Variants in CCDC192 observed in about 807,000 individuals in gnomAD.
CCDC192 encodes the protein coiled-coil domain containing 192, also known as coiled-coil domain-containing protein 192.
chr5:127,874,524 C>T (rs1379691877), intron 5 of CCDC192, among the ~76,000 whole-genome samples: 1 of 152,188 alleles, frequency 6.6e-6, no homozygotes, highest in Non-Finnish European at 1.5e-5. Flanking sequence ...ACTGGTGTTA[C>T]TCTCAAAGAG....
chr5:127,891,127 C>G (rs1005382300), intron 6 of CCDC192, among the ~76,000 whole-genome samples: 1 of 152,224 alleles, frequency 6.6e-6, no homozygotes, highest in South Asian at 2.1e-4. Context: ...TCTCGGCTCA[C>G]TGCAACCTCA....
chr5:127,832,697 T>C (rs1390521921), intron 5 of CCDC192, among the ~76,000 whole-genome samples: 1 of 152,144 alleles, frequency 6.6e-6, no homozygotes, highest in Non-Finnish European at 1.5e-5. Context: ...TGCATACATG[T>C]ATATTTAATA....
intron 6 of CCDC192, among the ~76,000 whole-genome samples, chr5:127,880,679 C>T (rs559652785): frequency 1.3e-4 from 20 of 151,466 alleles, no homozygotes; most frequent in African/African-American, 4.8e-4. Context: ...AGCTGGTGGT[C>T]AAGTTAAAAT....
Position 127,925,196 on chromosome 5 carries a change from G to A in CCDC192, c.536-15986G>A, listed in dbSNP as rs146587570. ...TGTTCTCAAGGAATATAACTTACCT[G>A]ATAAAGTAGGTAACTATTGGAAAAA... On this transcript the variant is annotated intron_variant, in intron 6 of 6. Coordinates refer to ENST00000514853, the MANE Select transcript of CCDC192 (RefSeq NM_001317938.2). Among the ~76,000 whole-genome samples, 311 of 152,082 alleles carry A rather than the reference G, an allele frequency of 2.0e-3. 3 individuals are homozygous for A. The highest frequency in any genetic ancestry group is 7.1e-3 in the African/African-American group (293 of 41,414).
At chr5:127,936,477 T>C (rs919545454) in intron 6 of CCDC192, among the ~76,000 whole-genome samples, 1 of 152,174 alleles carries the variant, frequency 6.6e-6, no homozygotes, top group Non-Finnish European at 1.5e-5. Context: ...TCTCACTAAA[T>C]CTTTCTAACC....
At chr5:127,850,591 C>T (rs543226714) in intron 5 of CCDC192, among the ~76,000 whole-genome samples, 48 of 152,222 alleles carry the variant, frequency 3.2e-4, no homozygotes, top group African/African-American at 1.1e-3. Context: ...ATGTACATTC[C>T]CTGCACTGAG....
At chr5:127,709,535 C>T (rs1751200364) in intron 2 of CCDC192, among the ~76,000 whole-genome samples, 2 of 152,136 alleles carry the variant, frequency 1.3e-5, no homozygotes, top group East Asian at 1.9e-4. Context: ...GATCATAAAA[C>T]GTTAACATCT....
At chr5:127,788,171 T>C (rs1420176073) in intron 3 of CCDC192, among the ~76,000 whole-genome samples, 1 of 151,622 alleles carries the variant, frequency 6.6e-6, no homozygotes, top group Non-Finnish European at 1.5e-5. Context: ...ATTCTATCAA[T>C]AGTTGCTTCA....
chr5:127,877,910 G>A (rs1488918340), intron 6 of CCDC192, among the ~76,000 whole-genome samples: 2 of 152,158 alleles, frequency 1.3e-5, no homozygotes, highest in South Asian at 2.1e-4. Flanking sequence ...AACAGCTTAA[G>A]GAGAAAGGGT....
intron 5 of CCDC192, among the ~76,000 whole-genome samples, chr5:127,813,824 C>CT (rs1370699794): frequency 6.6e-6 from 1 of 152,094 alleles, no homozygotes; most frequent in Admixed American, 6.6e-5. Context: ...ACTTCTTAAA[C>CT]TTTTTCCATT....
At chr5:127,917,159 C>G (rs1333435977) in intron 6 of CCDC192, among the ~76,000 whole-genome samples, 1 of 152,190 alleles carries the variant, frequency 6.6e-6, no homozygotes, top group Non-Finnish European at 1.5e-5. Flanking sequence ...TGCTAGCTTC[C>G]AGCTTTTCTA....
chr5:127,890,231 G>T (rs1293829150), intron 6 of CCDC192, among the ~76,000 whole-genome samples: 2 of 152,052 alleles, frequency 1.3e-5, no homozygotes, highest in Non-Finnish European at 2.9e-5. Flanking sequence ...TAAAAAAATA[G>T]CTGGGTGTAG....
At chr5:127,716,289 G>C (rs973931266) in intron 2 of CCDC192, among the ~76,000 whole-genome samples, 2 of 152,042 alleles carry the variant, frequency 1.3e-5, no homozygotes, top group African/African-American at 4.8e-5. Context: ...GATTGGATTT[G>C]CTAGCATTTT....
chr5:127,823,198 A>AC (rs1749375751), intron 5 of CCDC192, among the ~76,000 whole-genome samples: 1 of 152,200 alleles, frequency 6.6e-6, no homozygotes, highest in Admixed American at 6.5e-5. Flanking sequence ...ATCTCATTGT[A>AC]CAGGTGTCTC....
intron 6 of CCDC192, among the ~76,000 whole-genome samples, chr5:127,932,291 G>A (rs1458127423): frequency 1.3e-5 from 2 of 151,964 alleles, no homozygotes. Flanking sequence ...TGCAACCTCT[G>A]CCTTTCAAGT....
chr5:127,914,991 A>G (rs1753478175), intron 6 of CCDC192, among the ~76,000 whole-genome samples: 4 of 152,174 alleles, frequency 2.6e-5, no homozygotes, highest in Admixed American at 2.0e-4. Flanking sequence ...GTGTCATTCA[A>G]ATTACATTAT....
rs112796422 is a variant in CCDC192 at position 127,786,339 on chromosome 5, A to G, written c.223-10764A>G. 8.9e-4 allele frequency: 555 copies of G among 620,610 alleles called. No individual in the cohort carries two copies. The African/African-American group carries it at 9.0e-3, about 10-fold the overall frequency. 38.4% of individuals were successfully genotyped at this position (620,610 alleles called of 1,614,324 possible). A position where few individuals can be genotyped will look rare whatever the true frequency, so the allele number is the denominator to read the frequency against. On this transcript the variant is annotated intron_variant, in intron 3 of 6. Coordinates refer to ENST00000514853, the MANE Select transcript of CCDC192 (RefSeq NM_001317938.2). ...TGACATAAAATCTCTCTGTGACAGAAAAAAAAAAGAGAGAGATTCAAAGGA... is the reference window on the plus strand; with the variant it reads ...TGACATAAAATCTCTCTGTGACAGAGAAAAAAAAGAGAGAGATTCAAAGGA...
At chr5:127,709,894 T>C (rs1751222325) in intron 2 of CCDC192, among the ~76,000 whole-genome samples, 1 of 152,146 alleles carries the variant, frequency 6.6e-6, no homozygotes, top group Admixed American at 6.5e-5. Flanking sequence ...GGGCACCAAT[T>C]TCTACTTAAC....
At chr5:127,776,262 CTTAAGCAAAGA>C (rs973751139) in intron 3 of CCDC192, among the ~76,000 whole-genome samples, 56 of 139,856 alleles carry the variant, frequency 4.0e-4, no homozygotes, top group Middle Eastern at 6.8e-3. Flanking sequence ...TTGCTGGGAA[CTTAAGCAAAGA>C]TTGCTCTTTT....
Sources: allele counts gnomAD v4.1 joint callset (sites outside exome capture counted in the v4.1 genomes callset), GRCh38; gene constraint gnomAD v4.1.1; transcripts MANE v1.5; gene names NCBI Gene and HGNC (gene_info 2026-07-23, HGNC 2026-07-21).